The following PCNX1 variants were observed in gnomAD, a reference collection of about 807,000 sequenced individuals.
The protein encoded by PCNX1 is pecanex-like protein 1.
PCNX1 carries 78 observed loss-of-function variants against 242.2 expected under a neutral mutation model. That is an observed-to-expected ratio of 0.32 (90% confidence interval 0.27 to 0.39). The LOEUF (loss-of-function observed/expected upper bound fraction) is 0.39, where lower values mean the gene tolerates loss of function less well. Ranked by LOEUF, PCNX1 falls within the 10% of genes least tolerant of loss-of-function variation. The pLI, the probability that PCNX1 is intolerant of heterozygous loss-of-function variation, is 1.00. For missense variants in PCNX1, 2,581 were observed against 2,856.5 expected (o/e 0.90, Z 2.20); for synonymous variants, 1,024 against 1,032.9 (o/e 0.99, Z 0.17).
chr14:70,953,537 C>T (rs2057870835), intron 2 of PCNX1, among the ~76,000 whole-genome samples: 1 of 151,424 alleles, frequency 6.6e-6, no homozygotes, highest in Middle Eastern at 3.4e-3. Context: ...CAGTCATCTC[C>T]CACTTGTGGC....
At chr14:70,931,296 G>C (rs1442233950) in intron 1 of PCNX1, among the ~76,000 whole-genome samples, 1 of 152,132 alleles carries the variant, frequency 6.6e-6, no homozygotes, top group African/African-American at 2.4e-5. Context: ...GCTAAAACTT[G>C]AGGCCAATTG....
chr14:70,962,383 T>C (rs762576882), intron 3 of PCNX1, 52 bp downstream of exon 3: 3 of 899,832 alleles, frequency 3.3e-6, no homozygotes, highest in South Asian at 1.3e-5. Flanking sequence ...CTGATGGTGG[T>C]CTCCGTTATT....
intron 1 of PCNX1, among the ~76,000 whole-genome samples, chr14:70,941,085 C>T (rs151307392): frequency 0.014 from 2,170 of 152,232 alleles, 24 homozygotes; most frequent in Middle Eastern, 0.034. Context: ...TCCTTTAGCT[C>T]GGAGAAGTTT....
chr14:71,011,124 A>C (rs1025804411), intron 9 of PCNX1, among the ~76,000 whole-genome samples: 3 of 152,166 alleles, frequency 2.0e-5, no homozygotes, highest in Non-Finnish European at 4.4e-5. Flanking sequence ...GTAGGTTATT[A>C]CATTATAGCT....
At chr14:70,964,841 G>C (rs2058329584) in intron 3 of PCNX1, among the ~76,000 whole-genome samples, 1 of 152,132 alleles carries the variant, frequency 6.6e-6, no homozygotes, top group African/African-American at 2.4e-5. Context: ...GGAGGTTATT[G>C]TGCTACTTGG....
intron 24 of PCNX1, among the ~76,000 whole-genome samples, chr14:71,053,914 T>C (rs2141209071): frequency 6.6e-6 from 1 of 152,270 alleles, no homozygotes; most frequent in African/African-American, 2.4e-5. Flanking sequence ...TATCTACCTG[T>C]ACATTCAGTC....
chr14:71,106,655 C>T (rs992743874), intron 33 of PCNX1, among the ~76,000 whole-genome samples: 10 of 151,838 alleles, frequency 6.6e-5, no homozygotes, highest in African/African-American at 2.4e-4. Flanking sequence ...CCAGTGGGGG[C>T]AGGAGAAGGG....
At chr14:71,054,847 A>T (rs1054522260) in intron 24 of PCNX1, among the ~76,000 whole-genome samples, 4 of 152,112 alleles carry the variant, frequency 2.6e-5, no homozygotes, top group African/African-American at 9.7e-5. Context: ...CATTAGGGAC[A>T]TTTTTTTGTG....
At chr14:71,062,429 C>T (rs961505495) in intron 26 of PCNX1, among the ~76,000 whole-genome samples, 3 of 150,700 alleles carry the variant, frequency 2.0e-5, no homozygotes, top group Admixed American at 2.0e-4. Flanking sequence ...AAAAATTTTT[C>T]TAAACAAATT....
intron 6 of PCNX1, 142 bp downstream of exon 6, chr14:70,978,790 G>T: frequency 1.3e-6 from 1 of 768,810 alleles, no homozygotes. Flanking sequence ...GAATGAAGAA[G>T]TAGGTGATTA....
chr14:71,020,514 C>A (rs2060072066), intron 12 of PCNX1, among the ~76,000 whole-genome samples: 1 of 152,156 alleles, frequency 6.6e-6, no homozygotes, highest in South Asian at 2.1e-4. Context: ...TTTTGATTTG[C>A]ATTTCTCTAA....
chr14:70,958,114 C>G (rs978210706), intron 2 of PCNX1, among the ~76,000 whole-genome samples: 5 of 152,164 alleles, frequency 3.3e-5, no homozygotes, highest in Admixed American at 6.5e-5. Context: ...TAACACCAGA[C>G]AGCTTATAAA....
intron 1 of PCNX1, among the ~76,000 whole-genome samples, chr14:70,938,585 A>G (rs2057105002): frequency 6.6e-6 from 1 of 152,176 alleles, no homozygotes; most frequent in African/African-American, 2.4e-5. Flanking sequence ...TTGGTCTAAA[A>G]TTCTCTTTTT....
chr14:70,948,676 GATGTGTATATATACACGTGTA>G (rs2057568067), intron 2 of PCNX1, among the ~76,000 whole-genome samples: 1 of 146,718 alleles, frequency 6.8e-6, no homozygotes, highest in Non-Finnish European at 1.5e-5. Flanking sequence ...TGTCTATATA[GATGTGTATATATACACGTGTA>G]TATATACACA....
rs985646914 is a variant in PCNX1, at chr14:70,969,235, A to G, written c.604+125A>G. ...TAATATGATATTTAAGGAAACATTA[A>G]CATAAAATGTTATGGTGATAGTAGT... On this transcript the variant is annotated intron_variant, in intron 5 of 35. Transcript: ENST00000304743. 1.5e-5 allele frequency: 10 copies of G among 670,470 alleles called. No individual in the cohort carries two copies. The Admixed American group carries it at 2.0e-4, about 14-fold the overall frequency. 41.5% of individuals were successfully genotyped at this position (670,470 alleles called of 1,614,324 possible). A position where few individuals can be genotyped will look rare whatever the true frequency, so the allele number is the denominator to read the frequency against.
chr14:70,973,051 A>G (rs766785275), intron 5 of PCNX1, among the ~76,000 whole-genome samples: 13 of 152,148 alleles, frequency 8.5e-5, no homozygotes, highest in African/African-American at 2.2e-4. Context: ...CAGGAGTTCA[A>G]TACCAGCCTG....
At chr14:70,973,252 CA>C (rs71448337) in intron 5 of PCNX1, among the ~76,000 whole-genome samples, 12,519 of 80,326 alleles carry the variant, frequency 0.16, 478 homozygotes, top group East Asian at 0.35. Flanking sequence ...CACTCTGTCT[CA>C]AAAAAAAAAA....
intron 1 of PCNX1, among the ~76,000 whole-genome samples, chr14:70,913,812 A>G (rs141011232): frequency 1.9e-4 from 29 of 152,342 alleles, no homozygotes; most frequent in African/African-American, 7.2e-5. Flanking sequence ...AGATCAAGCT[A>G]GAAAAGTTAC....
intron 19 of PCNX1, among the ~76,000 whole-genome samples, chr14:71,039,076 A>G (rs8011596): frequency 0.56 from 84,050 of 150,942 alleles, 24,807 homozygotes; most frequent in East Asian, 0.74. Flanking sequence ...CTGTTGTGGG[A>G]TGGGGGTAGT....
Sources: allele counts gnomAD v4.1 joint callset (sites outside exome capture counted in the v4.1 genomes callset), GRCh38; gene constraint gnomAD v4.1.1; transcripts MANE v1.5; gene names NCBI Gene and HGNC (gene_info 2026-07-23, HGNC 2026-07-21).